Variants in ADGRB3 observed in about 807,000 individuals in gnomAD.
ADGRB3 encodes the protein brain-specific angiogenesis inhibitor 3.
A neutral mutation model predicts 193.4 loss-of-function variants in ADGRB3; 37 were observed. That is an observed-to-expected ratio of 0.19 (90% confidence interval 0.15 to 0.25). The LOEUF (loss-of-function observed/expected upper bound fraction) is 0.25. Among genes scored for constraint, ADGRB3 ranks in the 10% least tolerant of loss-of-function variants. The probability of loss-of-function intolerance (pLI) is 1.00; values close to 1 mark genes in which losing one functional copy is unlikely to be tolerated. For synonymous variants in ADGRB3, 690 were observed against 644.2 expected, an observed-to-expected ratio of 1.07 and a Z score of -1.08; for missense variants, 1,637 against 1,852.9, an observed-to-expected ratio of 0.88 and a Z score of 2.14.
chr6:68,999,346 G>A (rs970426870), intron 11 of ADGRB3, among the ~76,000 whole-genome samples: 2 of 149,928 alleles, frequency 1.3e-5, no homozygotes, highest in African/African-American at 4.9e-5. Context: ...CTCACTGCAA[G>A]CTCTGCCTCC....
rs6937300 is a variant in ADGRB3 at position 69,333,026 on chromosome 6, G to A, written c.3188+18G>A. Reference sequence around the variant, plus strand: ...AGAGCCGGGTAAGCTGCAATTGGTGGATTTTGAAGGTTATTTATCAGTGAA... The same window carrying A: ...AGAGCCGGGTAAGCTGCAATTGGTGAATTTTGAAGGTTATTTATCAGTGAA... On this transcript the variant is annotated intron_variant, in intron 24 of 31. Coordinates refer to ENST00000370598, the MANE Select transcript of ADGRB3 (RefSeq NM_001704.3). The A allele has an allele frequency of 7.7e-3, 12,459 of 1,609,642 alleles. 535 individuals are homozygous for A. In the African/African-American group the frequency reaches 0.12, roughly 15 times the overall value.
At chr6:68,861,129 C>T (rs1328339131) in intron 3 of ADGRB3, among the ~76,000 whole-genome samples, 1 of 152,130 alleles carries the variant, frequency 6.6e-6, no homozygotes, top group African/African-American at 2.4e-5. Flanking sequence ...CTAGTCATTG[C>T]TTTTGCAAAA....
At chr6:68,841,015 G>A (rs1053008638) in intron 3 of ADGRB3, among the ~76,000 whole-genome samples, 1 of 152,142 alleles carries the variant, frequency 6.6e-6, no homozygotes, top group African/African-American at 2.4e-5. Flanking sequence ...AAGATCATTA[G>A]ATAATGATAA....
intron 3 of ADGRB3, among the ~76,000 whole-genome samples, chr6:68,708,806 A>G (rs953838752): frequency 2.0e-5 from 3 of 152,230 alleles, no homozygotes; most frequent in African/African-American, 7.2e-5. Context: ...TGAATATTTC[A>G]TACTTGCAAA....
intron 12 of ADGRB3, 107 bp downstream of exon 12, chr6:69,014,213 C>A (rs1770024457): frequency 1.2e-5 from 10 of 801,688 alleles, no homozygotes; most frequent in Admixed American, 8.2e-5. Flanking sequence ...ATTTTTAAGT[C>A]AGTCTAGGTT....
intron 17 of ADGRB3, among the ~76,000 whole-genome samples, chr6:69,081,971 G>A (rs1374077585): frequency 4.6e-5 from 7 of 152,000 alleles, no homozygotes; most frequent in Admixed American, 2.0e-4. Flanking sequence ...TTCTCACCTT[G>A]TCCATCTAAC....
intron 17 of ADGRB3, among the ~76,000 whole-genome samples, chr6:69,127,633 T>C (rs1773888152): frequency 6.6e-6 from 1 of 152,194 alleles, no homozygotes; most frequent in Non-Finnish European, 1.5e-5. Context: ...CATAGCTGGA[T>C]CTTGGTGAGT....
intron 17 of ADGRB3, among the ~76,000 whole-genome samples, chr6:69,126,247 A>G (rs1450221215): frequency 6.6e-6 from 1 of 152,068 alleles, no homozygotes; most frequent in African/African-American, 2.4e-5. Flanking sequence ...ACATACATAC[A>G]TACATACATA....
intron 13 of ADGRB3, among the ~76,000 whole-genome samples, chr6:69,035,101 T>A (rs1283523582): frequency 6.6e-6 from 1 of 152,118 alleles, no homozygotes; most frequent in Non-Finnish European, 1.5e-5. Flanking sequence ...GAATTTCTAC[T>A]ATAATACCAT....
intron 17 of ADGRB3, among the ~76,000 whole-genome samples, chr6:69,207,415 T>G (rs1765562526): frequency 6.6e-6 from 1 of 152,148 alleles, no homozygotes; most frequent in Non-Finnish European, 1.5e-5. Flanking sequence ...ATAGCCCCCC[T>G]AGGCATTGTG....
chr6:68,641,914 A>G (rs1668910474), intron 3 of ADGRB3, among the ~76,000 whole-genome samples: 1 of 152,072 alleles, frequency 6.6e-6, no homozygotes, highest in Admixed American at 6.5e-5. Context: ...AAACTACCAT[A>G]TAATGACATA....
chr6:68,778,802 G>A (rs1427533493), intron 3 of ADGRB3, among the ~76,000 whole-genome samples: 2 of 152,000 alleles, frequency 1.3e-5, no homozygotes, highest in Admixed American at 1.3e-4. Context: ...ATGCAGGATT[G>A]CCATCTGGTG....
intron 23 of ADGRB3, chr6:69,332,626 C>T (rs1768754507): frequency 1.0e-6 from 1 of 985,228 alleles, no homozygotes; most frequent in Non-Finnish European, 1.2e-6. Flanking sequence ...CAGAAGAATG[C>T]CAGATTGGCA....
intron 13 of ADGRB3, among the ~76,000 whole-genome samples, chr6:69,020,047 C>G (rs982555374): frequency 6.6e-6 from 1 of 151,968 alleles, no homozygotes; most frequent in Admixed American, 6.6e-5. Context: ...AAGCCGGAAC[C>G]ACTTTCCTAA....
intron 20 of ADGRB3, among the ~76,000 whole-genome samples, chr6:69,300,197 A>G (rs1767919773): frequency 6.6e-6 from 1 of 151,900 alleles, no homozygotes; most frequent in South Asian, 2.1e-4. Context: ...TACATCACAC[A>G]ACAGGATGAA....
chr6:69,146,988 A>G (rs1282451958), intron 17 of ADGRB3, among the ~76,000 whole-genome samples: 1 of 151,896 alleles, frequency 6.6e-6, no homozygotes, highest in East Asian at 1.9e-4. Flanking sequence ...ATTTCTGCTT[A>G]TCAGTGGTAA....
At chr6:68,842,759 C>T (rs915871026) in intron 3 of ADGRB3, among the ~76,000 whole-genome samples, 1 of 151,786 alleles carries the variant, frequency 6.6e-6, no homozygotes, top group South Asian at 2.1e-4. Flanking sequence ...ACATTAATGT[C>T]AAAATCCTCA....
chr6:69,211,463 G>A (rs1765665679), intron 17 of ADGRB3, among the ~76,000 whole-genome samples: 1 of 152,048 alleles, frequency 6.6e-6, no homozygotes, highest in South Asian at 2.1e-4. Flanking sequence ...TGTGCATCTA[G>A]TGCCAAGTAA....
chr6:68,944,480 G>A (rs73480159), intron 6 of ADGRB3, among the ~76,000 whole-genome samples: 26,077 of 151,972 alleles, frequency 0.17, 2,687 homozygotes, highest in African/African-American at 0.28. Context: ...TGGCTAAATT[G>A]TAAACAATTT....
Sources: gnomAD v4.1 joint callset for allele counts (sites outside exome capture counted in the v4.1 genomes callset) on GRCh38, gnomAD v4.1.1 for gene constraint, MANE v1.5 for transcripts, NCBI Gene and HGNC (gene_info 2026-07-23, HGNC 2026-07-21) for gene names.